Variants in ANTXR1 observed in about 807,000 individuals in gnomAD.
ANTXR1 encodes anthrax toxin receptor 1.
ANTXR1 carries 19 observed loss-of-function variants against 78.1 expected under a neutral mutation model. That is an observed-to-expected ratio of 0.24 (90% CI 0.17 to 0.36). The LOEUF (loss-of-function observed/expected upper bound fraction) is 0.36, where lower values mean the gene tolerates loss of function less well. Among genes scored for constraint, ANTXR1 ranks in the 10% least tolerant of loss-of-function variants. The pLI is 1.00. For synonymous variants in ANTXR1, 273 were observed against 260.5 expected, an observed-to-expected ratio of 1.05 and a Z score of -0.46; for missense variants, 518 against 718.6, an observed-to-expected ratio of 0.72 and a Z score of 3.19.
At chr2:69,017,081 T>C (rs1208675679) in intron 1 of ANTXR1, among the ~76,000 whole-genome samples, 1 of 152,192 alleles carries the variant, frequency 6.6e-6, no homozygotes, top group Non-Finnish European at 1.5e-5. Context: ...TTGTGCTGAA[T>C]GAAAAACTTG....
intron 13 of ANTXR1, among the ~76,000 whole-genome samples, chr2:69,153,066 G>A (rs995187783): frequency 6.6e-6 from 1 of 152,190 alleles, no homozygotes; most frequent in African/African-American, 2.4e-5. Context: ...TCTAGCCTGT[G>A]CCCTGCCTTT....
chr2:69,190,897 T>A (rs893176950), intron 16 of ANTXR1, among the ~76,000 whole-genome samples: 2 of 152,182 alleles, frequency 1.3e-5, no homozygotes, highest in African/African-American at 4.8e-5. Context: ...TTCTGCCCCA[T>A]CTCATTGCCC....
intron 1 of ANTXR1, among the ~76,000 whole-genome samples, chr2:69,017,023 G>A (rs555619116): frequency 1.3e-5 from 2 of 152,340 alleles, no homozygotes; most frequent in Admixed American, 6.5e-5. Context: ...TCAGGTGGAT[G>A]CCTCTGACTT....
intron 12 of ANTXR1, among the ~76,000 whole-genome samples, chr2:69,127,724 T>C (rs1052293182): frequency 6.6e-6 from 1 of 152,082 alleles, no homozygotes; most frequent in Non-Finnish European, 1.5e-5. Flanking sequence ...AAAGCAGAGC[T>C]AATGAATTTT....
At chr2:69,160,487 T>C (rs1357927039) in intron 13 of ANTXR1, among the ~76,000 whole-genome samples, 1 of 152,180 alleles carries the variant, frequency 6.6e-6, no homozygotes, top group Non-Finnish European at 1.5e-5. Flanking sequence ...TCGTACCTTC[T>C]TTGAGTGAAT....
chr2:69,241,067 T>A (rs1012053662), intron 17 of ANTXR1, among the ~76,000 whole-genome samples: 2 of 152,176 alleles, frequency 1.3e-5, no homozygotes, highest in African/African-American at 4.8e-5. Flanking sequence ...ATAATTGGCA[T>A]TCATTCCTGT....
At chr2:69,175,016 C>T (rs1417314031) in intron 14 of ANTXR1, among the ~76,000 whole-genome samples, 2 of 152,172 alleles carry the variant, frequency 1.3e-5, no homozygotes, top group Admixed American at 6.5e-5. Context: ...AGCAGTCTTT[C>T]CTCACTGGTC....
At chr2:69,167,799 C>G (rs1007428705) in intron 13 of ANTXR1, among the ~76,000 whole-genome samples, 7 of 152,184 alleles carry the variant, frequency 4.6e-5, no homozygotes, top group Non-Finnish European at 7.3e-5. Context: ...GCCCAACTTA[C>G]AGTGCGTCAA....
At chr2:69,050,097 C>T (rs988288841) in intron 3 of ANTXR1, among the ~76,000 whole-genome samples, 5 of 151,894 alleles carry the variant, frequency 3.3e-5, no homozygotes, top group Middle Eastern at 3.2e-3. Flanking sequence ...AGTTCAAGGC[C>T]AGCCTGAGCA....
At chr2:69,031,939 T>A (rs1464177862) in intron 1 of ANTXR1, among the ~76,000 whole-genome samples, 1 of 152,162 alleles carries the variant, frequency 6.6e-6, no homozygotes, top group Non-Finnish European at 1.5e-5. Flanking sequence ...CTGACCAGGG[T>A]CACTTTCTGT....
intron 1 of ANTXR1, among the ~76,000 whole-genome samples, chr2:69,026,073 A>G (rs981200686): frequency 3.3e-5 from 5 of 152,232 alleles, no homozygotes; most frequent in African/African-American, 1.2e-4. Flanking sequence ...TCCCGTAACA[A>G]TTAGCGGAAG....
intron 3 of ANTXR1, among the ~76,000 whole-genome samples, chr2:69,053,927 C>T (rs1669999764): frequency 6.6e-6 from 1 of 152,124 alleles, no homozygotes; most frequent in Non-Finnish European, 1.5e-5. Context: ...CATACTGCCT[C>T]TGCATGTATT....
At chr2:69,175,404 C>A (rs1393548835) in intron 14 of ANTXR1, among the ~76,000 whole-genome samples, 1 of 151,938 alleles carries the variant, frequency 6.6e-6, no homozygotes, top group Non-Finnish European at 1.5e-5. Flanking sequence ...GCCAGGAGTT[C>A]GAGACCAGCC....
rs1670579028 is a variant in ANTXR1, at chr2:69,071,890, ATAT to A, written c.412+107_412+109del. 4.7e-6 allele frequency: 5 copies of A among 1,055,312 alleles called. No homozygotes were observed. In the South Asian group the frequency reaches 5.3e-5, roughly 11 times the overall value. The allele number at this position is 1,055,312 out of a possible 1,614,324, so 65.4% of individuals were successfully genotyped here. ...TTTCATGTTTCAAAAGACATGTATG[ATAT>A]TATCTGTAATTCTTAGACACACATT... On this transcript the variant is annotated intron_variant, in intron 5 of 17. Coordinates refer to ENST00000303714, the MANE Select transcript of ANTXR1 (RefSeq NM_032208.3).
At chr2:69,169,020 T>C (rs1258746341) in intron 13 of ANTXR1, among the ~76,000 whole-genome samples, 1 of 152,208 alleles carries the variant, frequency 6.6e-6, no homozygotes, top group African/African-American at 2.4e-5. Flanking sequence ...TTATCAATAA[T>C]GGTAGGGTGG....
intron 17 of ANTXR1, among the ~76,000 whole-genome samples, chr2:69,227,130 T>A (rs977023482): frequency 1.3e-5 from 2 of 152,234 alleles, no homozygotes; most frequent in African/African-American, 2.4e-5. Context: ...GATAACTTCA[T>A]GCTTTTTTTT....
At chr2:69,145,713 C>T in intron 12 of ANTXR1, 2 of 1,084,240 alleles carry the variant, frequency 1.8e-6, no homozygotes, top group Non-Finnish European at 2.2e-6. Flanking sequence ...CCCCAGGCTC[C>T]CACTAATTCC....
intron 3 of ANTXR1, among the ~76,000 whole-genome samples, chr2:69,061,718 T>C (rs1573826222): frequency 6.6e-6 from 1 of 152,162 alleles, no homozygotes; most frequent in South Asian, 2.1e-4. Flanking sequence ...AATAGGTCAG[T>C]AGCTAGAGGG....
chr2:69,129,845 T>C (rs1672675933), intron 12 of ANTXR1, among the ~76,000 whole-genome samples: 1 of 151,952 alleles, frequency 6.6e-6, no homozygotes. Flanking sequence ...GAAGGATAAG[T>C]GAAGGCAAGA....
Sources: gnomAD v4.1 joint callset for allele counts (sites outside exome capture counted in the v4.1 genomes callset) on GRCh38, gnomAD v4.1.1 for gene constraint, MANE v1.5 for transcripts, NCBI Gene and HGNC (gene_info 2026-07-23, HGNC 2026-07-21) for gene names.